Variants in CIT observed in about 807,000 individuals in gnomAD.
The protein encoded by CIT is citron Rho-interacting kinase.
CIT carries 79 observed loss-of-function variants against 272.7 expected under a neutral mutation model. The observed-to-expected ratio is 0.29, with a 90% confidence interval of 0.24 to 0.35. The LOEUF (loss-of-function observed/expected upper bound fraction) is 0.35, where lower values mean the gene tolerates loss of function less well. Among genes scored for constraint, CIT ranks in the 10% least tolerant of loss-of-function variants. CIT has a pLI of 1.00. For missense variants in CIT, 1,909 were observed against 2,618.3 expected, an observed-to-expected ratio of 0.73 and a Z score of 5.91; for synonymous variants, 948 against 995.6, an observed-to-expected ratio of 0.95 and a Z score of 0.90.
At chr12:119,856,029 T>C (rs561199927) in intron 4 of CIT, among the ~76,000 whole-genome samples, 1 of 152,208 alleles carries the variant, frequency 6.6e-6, no homozygotes, top group Non-Finnish European at 1.5e-5. Context: ...TTATCTGCCA[T>C]GTCCTGTCAC....
At chr12:119,772,229 T>C (rs1338388041) in intron 17 of CIT, among the ~76,000 whole-genome samples, 1 of 152,210 alleles carries the variant, frequency 6.6e-6, no homozygotes, top group Non-Finnish European at 1.5e-5. Context: ...TTTTATCCTA[T>C]ATTCTTCTGT....
intron 4 of CIT, among the ~76,000 whole-genome samples, chr12:119,852,023 AC>A (rs1970251631): frequency 6.6e-6 from 1 of 152,208 alleles, no homozygotes; most frequent in African/African-American, 2.4e-5. Context: ...ACCAAGCAAG[AC>A]CCTGTCTCTA....
At chr12:119,745,672 T>C (rs2137355719) in intron 23 of CIT, among the ~76,000 whole-genome samples, 1 of 152,190 alleles carries the variant, frequency 6.6e-6, no homozygotes, top group African/African-American at 2.4e-5. Flanking sequence ...AATTATAACG[T>C]TCCCAACACA....
chr12:119,711,007 G>A (rs771563417), intron 37 of CIT: 28 of 1,364,676 alleles, frequency 2.1e-5, no homozygotes, highest in Non-Finnish European at 2.5e-5. Context: ...GTGCAAAGGC[G>A]CCGTGTTAGC....
intron 7 of CIT, among the ~76,000 whole-genome samples, chr12:119,829,487 A>G (rs6490270): frequency 0.61 from 92,099 of 152,106 alleles, 28,599 homozygotes; most frequent in East Asian, 0.84. Context: ...AAGCAGGGGG[A>G]AAAGGAGTTC....
chr12:119,823,074 T>TTG, intron 8 of CIT, 101 bp from the exon 9 acceptor site: 2 of 1,300,648 alleles, frequency 1.5e-6, no homozygotes, highest in Non-Finnish European at 2.1e-6. Flanking sequence ...GTTTCTTTTT[T>TTG]TTTGTTTTTT....
chr12:119,701,240 G>A (rs1956551949), intron 43 of CIT, among the ~76,000 whole-genome samples: 1 of 106,802 alleles, frequency 9.4e-6, no homozygotes, highest in Non-Finnish European at 1.9e-5. Flanking sequence ...GGATGGGGAG[G>A]GGGAGGGGAG....
At chr12:119,727,050 G>A (rs541412195) in intron 28 of CIT, among the ~76,000 whole-genome samples, 9 of 152,200 alleles carry the variant, frequency 5.9e-5, no homozygotes, top group South Asian at 2.1e-4. Context: ...ATGTCCTATC[G>A]GCATGAAACT....
At chr12:119,754,501 G>A in intron 22 of CIT, among the ~76,000 whole-genome samples, 1 of 152,250 alleles carries the variant, frequency 6.6e-6, no homozygotes, top group East Asian at 1.9e-4. Context: ...GACTCAAGGG[G>A]AGGAGCGGGA....
Position 119,784,395 on chromosome 12 carries a change from C to A in CIT, c.1402-344G>T. The A allele has an allele frequency of 4.9e-6, 6 of 1,236,586 alleles. No individual in the cohort carries two copies. Among genetic ancestry groups the A allele is most frequent in the Non-Finnish European group, 6.2e-6 (6 of 969,774 alleles). 76.6% of individuals were successfully genotyped at this position (1,236,586 alleles called of 1,614,324 possible). The stretch of plus-strand genomic sequence containing the variant: ...CACTTTAATTTTATCCCAAATCCAT[C>A]TTGATCCCCCCCCATCTCCTTGCAA... On this transcript the variant is annotated intron_variant, in intron 11 of 47. Coordinates refer to ENST00000392521, the MANE Select transcript of CIT (RefSeq NM_001206999.2). This position sits in a 1 kb window ranked among gnomAD's most constrained non-coding sequence, Gnocchi z 4.7.
chr12:119,822,867 C>T lies in CIT; in HGVS notation c.1064G>A (p.Cys355Tyr), dbSNP rs1967835208. The change falls in exon 9 of 48, where the codon TGC becomes TAC. Residue 355 changes from cysteine to tyrosine, a missense_variant. Transcript: ENST00000392521. ...QKERLKFEGL[C>Y]CHPFFSKIDW... ...AATTTTAGAGAAGAAAGGATGGCAG[C>T]AAAGACCTTCAAACTTCAGTCTCTC... is the stretch of plus-strand genomic sequence containing the variant. The T allele has an allele frequency of 6.2e-7, 1 of 1,614,118 alleles. No individual in the cohort carries two copies. Among genetic ancestry groups the T allele is most frequent in the Non-Finnish European group, 8.5e-7 (1 of 1,180,012 alleles).
chr12:119,688,031 C>A lies in CIT; in HGVS notation c.*201G>T. 4.8e-6 allele frequency: 3 copies of A among 619,610 alleles called. No homozygotes were observed. The highest frequency in any genetic ancestry group is 3.9e-5 in the South Asian group (2 of 51,354). The allele number at this position is 619,610 out of a possible 1,614,324, so 38.4% of individuals were successfully genotyped here. ...TGCAGGGAGGTGCCCAGGGCAGGCA[C>A]CGGGCGCTGACAGCTCCGAAGAGCC... is the stretch of plus-strand genomic sequence containing the variant. On this transcript the variant is annotated 3_prime_UTR_variant, in exon 48 of 48. Transcript: ENST00000392521.
At chr12:119,739,896 T>C (rs1162860600) in intron 24 of CIT, among the ~76,000 whole-genome samples, 2 of 152,178 alleles carry the variant, frequency 1.3e-5, no homozygotes, top group South Asian at 2.1e-4. Context: ...AGAGCAGTTA[T>C]TAAATAAATT....
intron 9 of CIT, among the ~76,000 whole-genome samples, chr12:119,808,102 G>T (rs893175944): frequency 1.3e-5 from 2 of 151,802 alleles, no homozygotes; most frequent in African/African-American, 2.4e-5. Flanking sequence ...AGCTATTTTA[G>T]GAGCTATAGT....
intron 10 of CIT, among the ~76,000 whole-genome samples, chr12:119,795,398 A>G (rs1052933110): frequency 6.6e-6 from 1 of 152,188 alleles, no homozygotes; most frequent in African/African-American, 2.4e-5. Flanking sequence ...AAATAAATAA[A>G]TAAATAAGTT....
chr12:119,875,410 GCA>G (rs1196361321), intron 2 of CIT, among the ~76,000 whole-genome samples: 1 of 152,158 alleles, frequency 6.6e-6, no homozygotes, highest in African/African-American at 2.4e-5. Flanking sequence ...ATCTACTTCT[GCA>G]CAGTGTCTTT....
chr12:119,833,810 T>TG (rs1968815105), intron 6 of CIT, among the ~76,000 whole-genome samples: 1 of 152,148 alleles, frequency 6.6e-6, no homozygotes, highest in South Asian at 2.1e-4. Context: ...AAAGAACTCA[T>TG]GCAAGAGTTC....
At chr12:119,691,930 T>C (rs1410943452) in intron 46 of CIT, among the ~76,000 whole-genome samples, 4 of 152,270 alleles carry the variant, frequency 2.6e-5, no homozygotes, top group Non-Finnish European at 4.4e-5. Context: ...ACATATTTTG[T>C]TTGATTGAGG....
intron 13 of CIT, among the ~76,000 whole-genome samples, chr12:119,777,283 C>G (rs895631839): frequency 3.3e-5 from 5 of 149,902 alleles, no homozygotes; most frequent in African/African-American, 1.2e-4. Flanking sequence ...GACCTAGAGA[C>G]GAGGGGAGTA....
Sources: gnomAD v4.1 joint callset for allele counts (sites outside exome capture counted in the v4.1 genomes callset) on GRCh38, gnomAD v4.1.1 for gene constraint, Gnocchi (gnomAD v3.1) non-coding constraint, MANE v1.5 for transcripts, NCBI Gene and HGNC (gene_info 2026-07-23, HGNC 2026-07-21) for gene names.